The following STAG1 variants were observed in gnomAD, a reference collection of about 807,000 sequenced individuals.
The protein encoded by STAG1 is STAG1 cohesin complex component.
In STAG1, 26 loss-of-function variants were observed where a neutral mutation model predicts 170.9. That is an observed-to-expected ratio of 0.15 (90% CI 0.11 to 0.21). The LOEUF (loss-of-function observed/expected upper bound fraction) is 0.21, where lower values mean the gene tolerates loss of function less well. STAG1 is among the 10% of genes least tolerant of loss of function. STAG1 has a pLI of 1.00. For missense variants in STAG1, 964 were observed against 1,509.5 expected (o/e 0.64, Z 5.99); for synonymous variants, 514 against 497.7 (o/e 1.03, Z -0.44).
Position 136,343,871 on chromosome 3 carries a change from G to C in STAG1, c.3407C>G (p.Pro1136Arg). Reference protein sequence around the residue: ...SRPMGDQIQEPESEHGSEPDF... With the variant: ...SRPMGDQIQERESEHGSEPDF... Reference sequence around the variant, plus strand: ...TGGTTCAGAACCATGTTCAGACTCAGGTTCTTGAATCTGGTCTCCCATGGG... The same window carrying C: ...TGGTTCAGAACCATGTTCAGACTCACGTTCTTGAATCTGGTCTCCCATGGG... Residue 1136 changes from proline to arginine, a missense_variant, in exon 30 of 34, where the codon CCT becomes CGT. Pro to Arg is a moderately radical substitution (Grantham distance 103). This residue lies in a region of STAG1 where 122 missense variants were observed against 129.0 expected (regional missense o/e 0.95). Coordinates refer to ENST00000383202, the MANE Select transcript of STAG1 (RefSeq NM_005862.3). 2 of 1,598,606 alleles carry C rather than the reference G, an allele frequency of 1.3e-6. No homozygotes were observed. The highest frequency in any genetic ancestry group is 8.5e-7 in the Non-Finnish European group (1 of 1,173,064).
At chr3:136,715,582 T>C (rs1050190081) in intron 1 of STAG1, among the ~76,000 whole-genome samples, 6 of 152,014 alleles carry the variant, frequency 3.9e-5, no homozygotes, top group African/African-American at 1.4e-4. Context: ...ATCACACCAC[T>C]GCACTCCAGC....
chr3:136,725,030 A>C (rs189237358), intron 1 of STAG1, among the ~76,000 whole-genome samples: 48 of 152,354 alleles, frequency 3.2e-4, no homozygotes, highest in African/African-American at 1.1e-3. Flanking sequence ...TTGTCTTGTT[A>C]AAGTGAACTA....
intron 1 of STAG1, among the ~76,000 whole-genome samples, chr3:136,671,762 G>A (rs1941987813): frequency 6.6e-6 from 1 of 151,974 alleles, no homozygotes; most frequent in Admixed American, 6.6e-5. Context: ...TGCACCTGTA[G>A]TTCGTGTTAT....
At position 136,349,676 on chromosome 3, in the gene STAG1, G is replaced by C. The variant is rs1459845051; in HGVS notation, c.3066-313C>G. ...AAAAATCAGAAGTTTAGCTCAAAAA[G>C]ATTATTGAGTTTTCTTATAAAGTGT... is the stretch of plus-strand genomic sequence containing the variant. On this transcript the variant is annotated intron_variant, in intron 28 of 33. Transcript: ENST00000383202. 2.0e-5 allele frequency among the ~76,000 whole-genome samples: 3 copies of C among 152,106 alleles called. 1 individual carries two copies. Among genetic ancestry groups the C allele is most frequent in the Non-Finnish European group, 4.4e-5 (3 of 68,012 alleles).
intron 15 of STAG1, among the ~76,000 whole-genome samples, chr3:136,442,783 T>C (rs932864056): frequency 6.6e-6 from 1 of 152,104 alleles, no homozygotes; most frequent in Admixed American, 6.5e-5. Flanking sequence ...CTCATGCCTG[T>C]AATCCTAGCA....
intron 5 of STAG1, among the ~76,000 whole-genome samples, chr3:136,559,882 T>C (rs1936771316): frequency 6.6e-6 from 1 of 152,188 alleles, no homozygotes; most frequent in Non-Finnish European, 1.5e-5. Flanking sequence ...GTACACACAT[T>C]AGTAAGTAAC....
chr3:136,401,247 A>G (rs2087316828), intron 21 of STAG1, among the ~76,000 whole-genome samples: 1 of 152,228 alleles, frequency 6.6e-6, no homozygotes, highest in African/African-American at 2.4e-5. Flanking sequence ...TTATTGCAGT[A>G]AGATACATCA....
rs1187808621 is a variant in STAG1, at chr3:136,337,061, A to G, written c.*1193T>C. 1 of 152,658 alleles carries G rather than the reference A, an allele frequency of 6.6e-6. No homozygotes were observed. The highest frequency in any genetic ancestry group is 1.5e-5 in the Non-Finnish European group (1 of 68,046). The allele number at this position is 152,658 out of a possible 1,614,324, so 9.5% of individuals were successfully genotyped here. Reference sequence around the variant, plus strand: ...ATTGTAGACTGTCCTGAAGATTCATAATTTCTTTCCCCAAAAGAATTATTC... The same window carrying G: ...ATTGTAGACTGTCCTGAAGATTCATGATTTCTTTCCCCAAAAGAATTATTC... On this transcript the variant is annotated 3_prime_UTR_variant, in exon 34 of 34. Coordinates refer to ENST00000383202, the MANE Select transcript of STAG1 (RefSeq NM_005862.3).
intron 6 of STAG1, among the ~76,000 whole-genome samples, chr3:136,527,270 T>A (rs575662573): frequency 6.6e-6 from 1 of 152,364 alleles, no homozygotes; most frequent in South Asian, 2.1e-4. Context: ...AGTCCCATAT[T>A]TCTTGGAGGC....
intron 15 of STAG1, among the ~76,000 whole-genome samples, chr3:136,439,211 A>C (rs1213357495): frequency 4.0e-5 from 1 of 25,288 alleles, no homozygotes; most frequent in Non-Finnish European, 6.3e-5. Context: ...AAAAAAAAAA[A>C]AACCCATAAA....
chr3:136,547,195 T>G (rs1054484559), intron 5 of STAG1, among the ~76,000 whole-genome samples: 32 of 152,158 alleles, frequency 2.1e-4, no homozygotes, highest in Non-Finnish European at 4.4e-5. Flanking sequence ...AGTATAGAGA[T>G]CCCATACACA....
chr3:136,370,187 T>A (rs1937254285), intron 23 of STAG1, among the ~76,000 whole-genome samples: 1 of 152,066 alleles, frequency 6.6e-6, no homozygotes, highest in Non-Finnish European at 1.5e-5. Flanking sequence ...GGCAGGTCCT[T>A]CAGGAGGTAC....
chr3:136,454,099 T>C (rs989854228), intron 13 of STAG1, among the ~76,000 whole-genome samples: 2 of 152,094 alleles, frequency 1.3e-5, no homozygotes, highest in African/African-American at 4.8e-5. Flanking sequence ...TACCAATCTA[T>C]TTATTTATTT....
At chr3:136,457,698 A>G (rs2089156696) in intron 13 of STAG1, among the ~76,000 whole-genome samples, 1 of 152,140 alleles carries the variant, frequency 6.6e-6, no homozygotes, top group African/African-American at 2.4e-5. Flanking sequence ...TATAAAACTC[A>G]CTGGTAAAAG....
intron 16 of STAG1, among the ~76,000 whole-genome samples, chr3:136,432,570 T>A (rs1293302559): frequency 1.3e-5 from 2 of 151,130 alleles, no homozygotes; most frequent in African/African-American, 4.9e-5. Flanking sequence ...AGCAGTGGCA[T>A]GATCTGGGCT....
intron 6 of STAG1, among the ~76,000 whole-genome samples, chr3:136,532,765 C>T (rs902259720): frequency 1.3e-5 from 2 of 152,052 alleles, no homozygotes; most frequent in South Asian, 2.1e-4. Flanking sequence ...AAGGAATATA[C>T]CTCAAAATAA....
At chr3:136,555,108 T>C (rs1484192333) in intron 5 of STAG1, among the ~76,000 whole-genome samples, 1 of 147,762 alleles carries the variant, frequency 6.8e-6, no homozygotes, top group Non-Finnish European at 1.5e-5. Flanking sequence ...ATAATATATA[T>C]ATTATAAATA....
At chr3:136,578,596 A>G (rs1937527817) in intron 4 of STAG1, among the ~76,000 whole-genome samples, 1 of 152,222 alleles carries the variant, frequency 6.6e-6, no homozygotes, top group Non-Finnish European at 1.5e-5. Context: ...AGGGACCTGT[A>G]GCCATTAATT....
intron 1 of STAG1, among the ~76,000 whole-genome samples, chr3:136,700,418 C>CTTTTTTTTT (rs775648320): frequency 7.1e-6 from 1 of 141,364 alleles, no homozygotes; most frequent in African/African-American, 2.6e-5. Context: ...ATTACTTCTT[C>CTTTTTTTTT]TTTTTTTTTT....
Sources: gnomAD v4.1 joint callset for allele counts (sites outside exome capture counted in the v4.1 genomes callset) on GRCh38, gnomAD v4.1.1 for gene constraint, gnomAD v4.1.1 regional missense constraint, MANE v1.5 for transcripts, NCBI Gene and HGNC (gene_info 2026-07-23, HGNC 2026-07-21) for gene names.